The following SLFN12L variants were observed in gnomAD, a reference collection of about 807,000 sequenced individuals.
SLFN12L encodes the protein schlafen family member 12-like.
A neutral mutation model predicts 34.8 loss-of-function variants in SLFN12L; 34 were observed. That is an observed-to-expected ratio of 0.98 (90% confidence interval 0.74 to 1.30). The LOEUF (loss-of-function observed/expected upper bound fraction) is 1.30, where lower values mean the gene tolerates loss of function less well. SLFN12L is among the 50% of genes most tolerant of loss of function. The pLI is 0.00. For synonymous variants in SLFN12L, 259 were observed against 247.5 expected, an observed-to-expected ratio of 1.05 and a Z score of -0.44; for missense variants, 703 against 696.2, an observed-to-expected ratio of 1.01 and a Z score of -0.11.
intron 1 of SLFN12L, among the ~76,000 whole-genome samples, chr17:35,532,801 G>A (rs540826632): frequency 1.7e-3 from 258 of 152,236 alleles, no homozygotes; most frequent in African/African-American, 6.1e-3. Flanking sequence ...GCTGAGGCAG[G>A]AGAATCACTA....
rs1019273533 is a variant in SLFN12L, at chr17:35,499,092, A to C, written c.87-18897T>G. The C allele has an allele frequency of 4.0e-5, 33 of 832,612 alleles. 1 individual carries two copies. Among genetic ancestry groups the C allele is most frequent in the Non-Finnish European group, 1.2e-5 (6 of 505,892 alleles). 51.6% of individuals were successfully genotyped at this position (832,612 alleles called of 1,614,324 possible). On this transcript the variant is annotated intron_variant, in intron 2 of 4. Coordinates refer to ENST00000628453, the MANE Select transcript of SLFN12L (RefSeq NM_001363830.2). ...TGACAACTCCTGTATAAAACTTTGG[A>C]GCTTACAATCCAGGAAGTTAAAATC...
Position 35,464,602 on chromosome 17 carries a change from T to C in SLFN12L, c.*10321A>G, listed in dbSNP as rs1468428558. ...TGTTCCTGCAAAAGACATGATCTTG[T>C]TCTTTTTTATGGCTGTGTAGTAGCC... On this transcript the variant is annotated 3_prime_UTR_variant, in exon 5 of 5. Coordinates refer to ENST00000628453, the MANE Select transcript of SLFN12L (RefSeq NM_001363830.2). 1.3e-5 allele frequency: 2 copies of C among 152,222 alleles called. No homozygotes were observed. The highest frequency in any genetic ancestry group is 4.8e-5 in the African/African-American group (2 of 41,452). The allele number at this position is 152,222 out of a possible 1,614,324, so 9.4% of individuals were successfully genotyped here.
chr17:35,497,171 A>G lies in SLFN12L; in HGVS notation c.87-16976T>C, dbSNP rs181214494. On this transcript the variant is annotated intron_variant, in intron 2 of 4. Coordinates refer to ENST00000628453, the MANE Select transcript of SLFN12L (RefSeq NM_001363830.2). ...TTTGGGAGGCCGAAGCGGGCGGATCACCTTAGGTCAGGAGTTCCAGACCAG... is the reference window on the plus strand; with the variant it reads ...TTTGGGAGGCCGAAGCGGGCGGATCGCCTTAGGTCAGGAGTTCCAGACCAG... 4.5e-3 allele frequency among the ~76,000 whole-genome samples: 686 copies of G among 152,288 alleles called. 10 individuals carry two copies. Among genetic ancestry groups the G allele is most frequent in the African/African-American group, 0.015 (626 of 41,570 alleles).
intron 2 of SLFN12L, among the ~76,000 whole-genome samples, chr17:35,492,783 C>T (rs1003003461): frequency 2.0e-5 from 3 of 152,052 alleles, no homozygotes; most frequent in African/African-American, 4.8e-5. Context: ...GGGAATATGG[C>T]GTAGTATCTC....
intron 4 of SLFN12L, among the ~76,000 whole-genome samples, chr17:35,476,850 T>C (rs1914054076): frequency 6.6e-6 from 1 of 151,230 alleles, no homozygotes; most frequent in Admixed American, 6.6e-5. Flanking sequence ...TCTCTACAAT[T>C]TGTAATCCAT....
intron 1 of SLFN12L, among the ~76,000 whole-genome samples, chr17:35,532,175 G>T (rs908643053): frequency 3.3e-5 from 5 of 152,244 alleles, no homozygotes; most frequent in Non-Finnish European, 7.3e-5. Context: ...GCCGCGCACA[G>T]TGGCTCACGC....
rs1567644682 is a variant in SLFN12L, at chr17:35,478,198, G to GTT, written c.1166-15_1166-14dup. The GTT allele has an allele frequency of 1.3e-6, 2 of 1,496,460 alleles. No individual in the cohort carries two copies. Among genetic ancestry groups the GTT allele is most frequent in the Admixed American group, 4.0e-5 (2 of 50,114 alleles). The allele number at this position is 1,496,460 out of a possible 1,614,324, so 92.7% of individuals were successfully genotyped here. A position where few individuals can be genotyped will look rare whatever the true frequency, so the allele number is the denominator to read the frequency against. The stretch of plus-strand genomic sequence containing the variant: ...AGTTCCTCACATACTATGGAATAAT[G>GTT]TTAGAAAACAAAAATCACGCTCTTA... On this transcript the variant is annotated splice_polypyrimidine_tract_variant and intron_variant, in intron 3 of 4. Transcript: ENST00000628453.
At chr17:35,521,188 AAGGAAGCT>A (rs370174411) in intron 2 of SLFN12L, among the ~76,000 whole-genome samples, 5 of 152,156 alleles carry the variant, frequency 3.3e-5, no homozygotes, top group African/African-American at 1.2e-4. Flanking sequence ...TCACAGATCC[AAGGAAGCT>A]AAGGAGACAT....
chr17:35,493,681 T>C (rs1914931089), intron 2 of SLFN12L, among the ~76,000 whole-genome samples: 1 of 152,236 alleles, frequency 6.6e-6, no homozygotes, highest in Admixed American at 6.5e-5. Context: ...GGGTTAGTAC[T>C]ACAGTATTTG....
intron 2 of SLFN12L, among the ~76,000 whole-genome samples, chr17:35,517,318 A>C (rs571392024): frequency 6.6e-6 from 1 of 152,346 alleles, no homozygotes; most frequent in South Asian, 2.1e-4. Flanking sequence ...CAAAGAGAAT[A>C]AAATACCTAG....
At chr17:35,494,374 T>C (rs1914961749) in intron 2 of SLFN12L, among the ~76,000 whole-genome samples, 1 of 152,194 alleles carries the variant, frequency 6.6e-6, no homozygotes, top group African/African-American at 2.4e-5. Flanking sequence ...TAAAATGATT[T>C]TTTAAGAAAA....
chr17:35,491,110 T>C, intron 2 of SLFN12L: 2 of 776,816 alleles, frequency 2.6e-6, no homozygotes, highest in Non-Finnish European at 2.4e-6. Flanking sequence ...TGCTGCAAGA[T>C]GACCATTTGT....
At chr17:35,526,650 T>C (rs1407632887) in intron 1 of SLFN12L, among the ~76,000 whole-genome samples, 2 of 152,172 alleles carry the variant, frequency 1.3e-5, no homozygotes, top group Non-Finnish European at 2.9e-5. Flanking sequence ...AAGACGTTCT[T>C]CATAACCAAT....
At chr17:35,535,936 G>A (rs922541466) in intron 1 of SLFN12L, among the ~76,000 whole-genome samples, 2 of 151,492 alleles carry the variant, frequency 1.3e-5, no homozygotes, top group South Asian at 4.2e-4. Flanking sequence ...GATTACAGGC[G>A]TGAGCCACCA....
chr17:35,523,678 G>A (rs1017622693), intron 1 of SLFN12L, among the ~76,000 whole-genome samples: 2 of 152,196 alleles, frequency 1.3e-5, no homozygotes, highest in African/African-American at 2.4e-5. Context: ...GCTCACTCCT[G>A]TAATCCTAGC....
At chr17:35,531,968 T>G (rs185872250) in intron 1 of SLFN12L, among the ~76,000 whole-genome samples, 2 of 152,072 alleles carry the variant, frequency 1.3e-5, no homozygotes, top group East Asian at 3.9e-4. Context: ...AAGTGCAAAT[T>G]ATTTTGTATG....
chr17:35,532,738 C>T (rs1208867803), intron 1 of SLFN12L, among the ~76,000 whole-genome samples: 1 of 151,852 alleles, frequency 6.6e-6, no homozygotes, highest in East Asian at 1.9e-4. Context: ...ACTGAAAATA[C>T]AAAAATTAGC....
intron 2 of SLFN12L, among the ~76,000 whole-genome samples, chr17:35,496,189 G>T (rs1188618088): frequency 6.6e-6 from 1 of 151,892 alleles, no homozygotes; most frequent in African/African-American, 2.4e-5. Flanking sequence ...ATGAGGTTCA[G>T]AACTATTCCT....
intron 1 of SLFN12L, among the ~76,000 whole-genome samples, chr17:35,534,257 G>A (rs2072438178): frequency 1.3e-5 from 2 of 152,164 alleles, no homozygotes; most frequent in South Asian, 4.1e-4. Flanking sequence ...AGCTACTCGG[G>A]AGGCTGAGGC....
Sources: gnomAD v4.1 joint callset for allele counts (sites outside exome capture counted in the v4.1 genomes callset) on GRCh38, gnomAD v4.1.1 for gene constraint, MANE v1.5 for transcripts, NCBI Gene and HGNC (gene_info 2026-07-23, HGNC 2026-07-21) for gene names.